ANKDD1A: variants seen among roughly 807,000 people sequenced by gnomAD.
ANKDD1A encodes the protein ankyrin repeat and death domain containing 1A.
In ANKDD1A, 59 loss-of-function variants were observed where a neutral mutation model predicts 63.5. The ratio of observed to expected loss-of-function variants is 0.93; its 90% CI spans 0.75 to 1.15. ANKDD1A has a LOEUF of 1.15. Ranked by LOEUF, ANKDD1A falls within the 50% of genes most tolerant of loss-of-function variation. The pLI is 0.00. For synonymous variants in ANKDD1A, 266 were observed against 263.9 expected, an observed-to-expected ratio of 1.01 and a Z score of -0.08; for missense variants, 632 against 656.4, an observed-to-expected ratio of 0.96 and a Z score of 0.41.
chr15:64,931,645 G>T (rs1407045576), intron 8 of ANKDD1A, 60 bp downstream of exon 8: 1 of 1,551,950 alleles, frequency 6.4e-7, no homozygotes. Flanking sequence ...AGCCATGTCG[G>T]CAGTAACGGC....
chr15:64,953,825 TTTC>T lies in ANKDD1A; in HGVS notation c.1484-3272_1484-3270del, dbSNP rs1304776493. Among the ~76,000 whole-genome samples, 29 of 26,108 alleles carry T rather than the reference TTTC, an allele frequency of 1.1e-3. No individual in the cohort carries two copies. The East Asian group carries it at 0.043, about 39-fold the overall frequency. 17.1% of individuals were successfully genotyped at this position (26,108 alleles called of 152,430 possible). A position where few individuals can be genotyped will look rare whatever the true frequency, so the allele number is the denominator to read the frequency against. On this transcript the variant is annotated intron_variant, in intron 14 of 14. Coordinates refer to ENST00000319580, the MANE Select transcript of ANKDD1A (RefSeq NM_182703.6). The stretch of plus-strand genomic sequence containing the variant: ...TCCTTTTTTTCTTCTTCCTTATTCT[TTTC>T]TTCTTTCCTCTTCTTTTCTTCTTTC...
At chr15:64,928,935 G>A (rs2085067672) in intron 6 of ANKDD1A, among the ~76,000 whole-genome samples, 1 of 152,226 alleles carries the variant, frequency 6.6e-6, no homozygotes, top group Non-Finnish European at 1.5e-5. Flanking sequence ...GAAGAAGAAA[G>A]CCCTGCCACG....
At chr15:64,950,904 G>A (rs1302750701) in intron 14 of ANKDD1A, 1 of 1,245,496 alleles carries the variant, frequency 8.0e-7, no homozygotes, top group Admixed American at 2.8e-5. Context: ...AACCAGTCCT[G>A]TGAGGCAGAG....
intron 1 of ANKDD1A, among the ~76,000 whole-genome samples, chr15:64,913,276 C>T (rs1178254631): frequency 2.0e-5 from 3 of 152,180 alleles, no homozygotes; most frequent in South Asian, 4.1e-4. Flanking sequence ...ATGTGACTAG[C>T]CCAGGATCCT....
chr15:64,934,182 A>T lies in ANKDD1A; in HGVS notation c.815A>T (p.Asp272Val), dbSNP rs1030496375. ...TATGCAGCCCTCAGTGGCTCGGAGGATGTGTCTCGGGTCCTCATCCACGCA... is the reference window on the plus strand; with the variant it reads ...TATGCAGCCCTCAGTGGCTCGGAGGTTGTGTCTCGGGTCCTCATCCACGCA... ...LHYAALSGSE[D>V]VSRVLIHAGG... The change falls in exon 9 of 15, where the codon GAT (aspartate) becomes GTT (valine). Residue 272 changes from aspartate to valine, a missense_variant. Asp to Val is a radical substitution (Grantham distance 152). Coordinates refer to ENST00000319580, the MANE Select transcript of ANKDD1A (RefSeq NM_182703.6). The T allele has an allele frequency of 6.2e-7, 1 of 1,612,420 alleles. No individual in the cohort carries two copies. Among genetic ancestry groups the T allele is most frequent in the Non-Finnish European group, 8.5e-7 (1 of 1,179,212 alleles).
At chr15:64,944,607 C>G (rs961318903) in intron 11 of ANKDD1A, 45 bp from the exon 12 acceptor site, 2 of 1,573,660 alleles carry the variant, frequency 1.3e-6, no homozygotes, top group Admixed American at 3.5e-5. Context: ...CTTGTGTACC[C>G]CTCCTGTAGA....
At chr15:64,936,662 G>GA (rs1360140322) in intron 9 of ANKDD1A, among the ~76,000 whole-genome samples, 4 of 151,942 alleles carry the variant, frequency 2.6e-5, no homozygotes, top group Non-Finnish European at 5.9e-5. Flanking sequence ...AGCATAGTGA[G>GA]ACCCCCGTAT....
At chr15:64,946,122 G>A (rs2085220837) in intron 12 of ANKDD1A, among the ~76,000 whole-genome samples, 1 of 151,912 alleles carries the variant, frequency 6.6e-6, no homozygotes, top group African/African-American at 2.4e-5. Context: ...GAGTAATGTT[G>A]GGTCCCATGT....
intron 10 of ANKDD1A, 102 bp downstream of exon 10, chr15:64,942,667 A>G: frequency 1.5e-6 from 1 of 685,424 alleles, no homozygotes; most frequent in East Asian, 3.5e-5. Flanking sequence ...AGAGTTGAGG[A>G]ATCACTTTTT....
chr15:64,924,006 G>A (rs574333220), intron 4 of ANKDD1A, among the ~76,000 whole-genome samples: 3 of 152,196 alleles, frequency 2.0e-5, no homozygotes, highest in East Asian at 1.9e-4. Context: ...AAATTTAAAC[G>A]TAATGAATCT....
At chr15:64,927,806 C>T (rs1436465999) in intron 6 of ANKDD1A, among the ~76,000 whole-genome samples, 3 of 152,006 alleles carry the variant, frequency 2.0e-5, no homozygotes, top group Non-Finnish European at 4.4e-5. Context: ...TGGGGTTTCA[C>T]GTGTTAGCCA....
At chr15:64,945,019 G>A (rs183895660) in intron 12 of ANKDD1A, among the ~76,000 whole-genome samples, 28 of 152,328 alleles carry the variant, frequency 1.8e-4, no homozygotes, top group East Asian at 1.3e-3. Flanking sequence ...GAATGCATGC[G>A]TGCATGAATG....
chr15:64,931,053 G>T, intron 7 of ANKDD1A, 133 bp downstream of exon 7: 1 of 898,226 alleles, frequency 1.1e-6, no homozygotes, highest in East Asian at 2.6e-5. Flanking sequence ...GAGCCCACCA[G>T]GGAAAGACAA....
At chr15:64,949,005 G>A (rs1257208663) in intron 13 of ANKDD1A, among the ~76,000 whole-genome samples, 1 of 152,168 alleles carries the variant, frequency 6.6e-6, no homozygotes, top group Non-Finnish European at 1.5e-5. Flanking sequence ...ATGGTGTTGA[G>A]ACTGCTGGGT....
At position 64,942,470 on chromosome 15, in the gene ANKDD1A, G is replaced by T; in HGVS notation, c.871G>T (p.Gly291Cys). ...GGCANVVDHQ[G>C]ASPLHLAVRH... ...ATCCGTGTATCTCCTCCCACAGCAG[G>T]GTGCCTCTCCTCTGCACCTCGCTGT... The change falls in exon 10 of 15, where the codon GGT becomes TGT. Residue 291 changes from glycine to cysteine, a missense_variant. By Grantham distance (159) the Gly-to-Cys change is radical (BLOSUM62 -3). Coordinates refer to ENST00000319580, the MANE Select transcript of ANKDD1A (RefSeq NM_182703.6). 6.2e-7 allele frequency: 1 copy of T among 1,610,884 alleles called. No individual in the cohort carries two copies. Among genetic ancestry groups the T allele is most frequent in the Non-Finnish European group, 8.5e-7 (1 of 1,178,342 alleles).
intron 1 of ANKDD1A, among the ~76,000 whole-genome samples, chr15:64,914,838 T>A (rs1478908778): frequency 2.6e-5 from 4 of 152,032 alleles, no homozygotes; most frequent in Non-Finnish European, 5.9e-5. Flanking sequence ...AGCCCACAGG[T>A]GTGCGTGACA....
At chr15:64,917,054 CT>C (rs2084972876) in intron 2 of ANKDD1A, among the ~76,000 whole-genome samples, 1 of 152,180 alleles carries the variant, frequency 6.6e-6, no homozygotes, top group Non-Finnish European at 1.5e-5. Context: ...TGGGAAGCTG[CT>C]TGGTATTTCT....
At chr15:64,933,032 C>G (rs755938427) in intron 8 of ANKDD1A, among the ~76,000 whole-genome samples, 49 of 151,818 alleles carry the variant, frequency 3.2e-4, no homozygotes, top group Non-Finnish European at 5.0e-4. Flanking sequence ...TCACGCCAGG[C>G]CTTTTGCTCC....
chr15:64,937,074 G>A (rs1008053444), intron 9 of ANKDD1A, among the ~76,000 whole-genome samples: 8 of 151,554 alleles, frequency 5.3e-5, no homozygotes, highest in African/African-American at 2.0e-4. Flanking sequence ...AGGGAAATAG[G>A]CACCTTCATA....
Sources: allele counts gnomAD v4.1 joint callset (sites outside exome capture counted in the v4.1 genomes callset), GRCh38; gene constraint gnomAD v4.1.1; transcripts MANE v1.5; gene names NCBI Gene and HGNC (gene_info 2026-07-23, HGNC 2026-07-21).